The following EYA4 variants were observed in gnomAD, a reference collection of about 807,000 sequenced individuals.
The protein encoded by EYA4 is EYA transcriptional coactivator and phosphatase 4.
Under a neutral mutation model 87.9 loss-of-function variants are expected in EYA4, and 31 were observed. The observed-to-expected ratio is 0.35, with a 90% CI of 0.27 to 0.48. The LOEUF (loss-of-function observed/expected upper bound fraction) is 0.48, where lower values mean the gene tolerates loss of function less well. Among genes scored for constraint, EYA4 ranks in the 20% least tolerant of loss-of-function variants. The pLI, the probability that EYA4 is intolerant of heterozygous loss-of-function variation, is 0.99. For missense variants in EYA4, 678 were observed against 761.4 expected, an observed-to-expected ratio of 0.89 and a Z score of 1.29; for synonymous variants, 263 against 270.6, an observed-to-expected ratio of 0.97 and a Z score of 0.28.
Position 133,531,132 on chromosome 6 carries a change from G to A in EYA4, c.*2327G>A, listed in dbSNP as rs1800985543. On this transcript the variant is annotated 3_prime_UTR_variant, in exon 20 of 20. Transcript: ENST00000355286. ...GTGCAGAAAGAAACACCCCTTGGAA[G>A]GGCAAAGAGAAGCCGGCTGGTTGCA... is the stretch of plus-strand genomic sequence containing the variant. 1.3e-6 allele frequency: 2 copies of A among 1,524,258 alleles called. No homozygotes were observed. The highest frequency in any genetic ancestry group is 2.0e-5 in the Admixed American group (1 of 49,758). The allele number at this position is 1,524,258 out of a possible 1,614,324, so 94.4% of individuals were successfully genotyped here.
intron 2 of EYA4, among the ~76,000 whole-genome samples, chr6:133,349,801 G>A (rs915953958): frequency 2.6e-5 from 4 of 152,116 alleles, no homozygotes; most frequent in African/African-American, 9.7e-5. Flanking sequence ...AGATTTTTAT[G>A]AGAGCTCCAG....
intron 2 of EYA4, among the ~76,000 whole-genome samples, chr6:133,335,086 A>G (rs1399349516): frequency 6.6e-6 from 1 of 152,234 alleles, no homozygotes; most frequent in Non-Finnish European, 1.5e-5. Context: ...ATATTTAGCT[A>G]TGGCTGATGA....
chr6:133,414,096 A>G (rs1449647309), intron 3 of EYA4, among the ~76,000 whole-genome samples: 1 of 152,094 alleles, frequency 6.6e-6, no homozygotes, highest in African/African-American at 2.4e-5. Context: ...TCTCTTGATC[A>G]TTTCCCTGCA....
At chr6:133,461,267 A>G in intron 7 of EYA4, 87 bp downstream of exon 7, 1 of 935,966 alleles carries the variant, frequency 1.1e-6, no homozygotes, top group Non-Finnish European at 1.8e-6. Context: ...ACTTGGATAG[A>G]TTACATATAT....
chr6:133,424,105 G>C (rs1047462042), intron 3 of EYA4, among the ~76,000 whole-genome samples: 1 of 152,186 alleles, frequency 6.6e-6, no homozygotes, highest in Non-Finnish European at 1.5e-5. Context: ...GCAGCTCTCA[G>C]CAGAGAGGGT....
At chr6:133,411,174 A>T (rs367688621) in intron 3 of EYA4, among the ~76,000 whole-genome samples, 4 of 152,202 alleles carry the variant, frequency 2.6e-5, no homozygotes, top group African/African-American at 9.6e-5. Context: ...ACAGATGAGG[A>T]CTTACTATTT....
At chr6:133,516,174 G>A (rs1056681522) in intron 17 of EYA4, among the ~76,000 whole-genome samples, 2 of 152,024 alleles carry the variant, frequency 1.3e-5, no homozygotes, top group African/African-American at 4.8e-5. Flanking sequence ...TAATAAGTGG[G>A]AGCTAAATGA....
chr6:133,276,341 A>C (rs1397263221), intron 2 of EYA4, among the ~76,000 whole-genome samples: 1 of 152,208 alleles, frequency 6.6e-6, no homozygotes, highest in African/African-American at 2.4e-5. Context: ...AAGCACACAA[A>C]GTTTGGGGGA....
chr6:133,295,338 G>C (rs1051840528), intron 2 of EYA4, among the ~76,000 whole-genome samples: 4 of 152,116 alleles, frequency 2.6e-5, no homozygotes, highest in Non-Finnish European at 5.9e-5. Flanking sequence ...TGTATTCAAA[G>C]AATTTCATTT....
At chr6:133,414,838 A>G (rs1789568506) in intron 3 of EYA4, among the ~76,000 whole-genome samples, 1 of 152,172 alleles carries the variant, frequency 6.6e-6, no homozygotes, top group Admixed American at 6.5e-5. Context: ...CTTAGGTAAA[A>G]GCAGAAGTTA....
chr6:133,480,259 G>A (rs908131596), intron 11 of EYA4, among the ~76,000 whole-genome samples: 2 of 152,174 alleles, frequency 1.3e-5, no homozygotes, highest in African/African-American at 2.4e-5. Flanking sequence ...TAATAGTTTC[G>A]AGGAGGTGCT....
At chr6:133,331,024 C>T (rs557957686) in intron 2 of EYA4, among the ~76,000 whole-genome samples, 1,936 of 118,988 alleles carry the variant, frequency 0.016, 20 homozygotes, top group Middle Eastern at 0.028. Flanking sequence ...TATAACCAAA[C>T]GGGTTTTTTT....
At chr6:133,449,559 G>T (rs1347058264) in intron 5 of EYA4, among the ~76,000 whole-genome samples, 1 of 152,312 alleles carries the variant, frequency 6.6e-6, no homozygotes, top group African/African-American at 2.4e-5. Flanking sequence ...GTCCATGGGA[G>T]AAGAACAAGG....
intron 2 of EYA4, among the ~76,000 whole-genome samples, chr6:133,328,722 C>A (rs563018405): frequency 2.2e-4 from 33 of 147,548 alleles, no homozygotes; most frequent in Non-Finnish European, 2.9e-4. Context: ...AACAAAAAAA[C>A]CAGACAAATG....
chr6:133,428,183 A>G (rs1333386113), intron 3 of EYA4, among the ~76,000 whole-genome samples: 4 of 152,230 alleles, frequency 2.6e-5, no homozygotes, highest in Admixed American at 2.0e-4. Context: ...GATAACCAGT[A>G]TAGAATTATA....
intron 2 of EYA4, among the ~76,000 whole-genome samples, chr6:133,371,022 A>T (rs1785225719): frequency 6.6e-6 from 1 of 152,128 alleles, no homozygotes; most frequent in South Asian, 2.1e-4. Context: ...TTATTTAAAT[A>T]TATCTTTGTG....
intron 3 of EYA4, among the ~76,000 whole-genome samples, chr6:133,404,721 T>C (rs1224522644): frequency 6.6e-6 from 1 of 152,370 alleles, no homozygotes; most frequent in Non-Finnish European, 1.5e-5. Flanking sequence ...TATCAGTTAA[T>C]GTAAGTCTGT....
chr6:133,521,370 A>T (rs1210641872), intron 17 of EYA4, among the ~76,000 whole-genome samples: 1 of 145,830 alleles, frequency 6.9e-6, no homozygotes, highest in Non-Finnish European at 1.5e-5. Flanking sequence ...AAAAATGCTC[A>T]TCATCACTGG....
In EYA4 at chr6:133,408,739, C is replaced by T. The variant is rs148476122; in HGVS notation, c.83+26298C>T. Among the ~76,000 whole-genome samples the T allele has an allele frequency of 2.7e-3, 404 of 152,104 alleles. 3 individuals are homozygous for T. Among genetic ancestry groups the T allele is most frequent in the African/African-American group, 9.1e-3 (377 of 41,504 alleles). On this transcript the variant is annotated intron_variant, in intron 3 of 19. Coordinates refer to ENST00000355286, the MANE Select transcript of EYA4 (RefSeq NM_004100.5). ...AAAGCTTTTAGGACAGTGCCTGGCG[C>T]GACTAAGTACTCAGTGAGTGTTAGT... is the stretch of plus-strand genomic sequence containing the variant.
Sources: gnomAD v4.1 joint callset for allele counts (sites outside exome capture counted in the v4.1 genomes callset) on GRCh38, gnomAD v4.1.1 for gene constraint, MANE v1.5 for transcripts, NCBI Gene and HGNC (gene_info 2026-07-23, HGNC 2026-07-21) for gene names.